STXBP5L: variants seen among roughly 807,000 people sequenced by gnomAD.
The protein encoded by STXBP5L is syntaxin binding protein 5L, also known as syntaxin-binding protein 5-like.
STXBP5L carries 65 observed loss-of-function variants against 144.5 expected under a neutral mutation model. The observed-to-expected ratio is 0.45, with a 90% CI of 0.37 to 0.55. STXBP5L has a LOEUF of 0.55. STXBP5L is among the 20% of genes least tolerant of loss of function. The probability of loss-of-function intolerance (pLI) is 0.00; values close to 1 mark genes in which losing one functional copy is unlikely to be tolerated. For missense variants in STXBP5L, 1,298 were observed against 1,405.5 expected, an observed-to-expected ratio of 0.92 and a Z score of 1.22; for synonymous variants, 505 against 469.6, an observed-to-expected ratio of 1.08 and a Z score of -0.97.
At chr3:121,189,024 A>C (rs1460383898) in intron 9 of STXBP5L, among the ~76,000 whole-genome samples, 3 of 152,184 alleles carry the variant, frequency 2.0e-5, no homozygotes, top group Non-Finnish European at 4.4e-5. Context: ...AAATTGTCCC[A>C]GTTTGCAGAT....
chr3:121,013,810 C>A (rs1944951468), intron 3 of STXBP5L, among the ~76,000 whole-genome samples: 1 of 151,832 alleles, frequency 6.6e-6, no homozygotes, highest in South Asian at 2.1e-4. Context: ...TTTAAGTTAA[C>A]CTTTTTTATG....
At chr3:121,007,621 A>T (rs1181499722) in intron 3 of STXBP5L, among the ~76,000 whole-genome samples, 11 of 152,008 alleles carry the variant, frequency 7.2e-5, no homozygotes, top group African/African-American at 2.7e-4. Context: ...TCATTACTTG[A>T]CGCAGCAGGA....
intron 20 of STXBP5L, among the ~76,000 whole-genome samples, chr3:121,378,146 A>G (rs897693450): frequency 6.6e-6 from 1 of 151,500 alleles, no homozygotes; most frequent in Admixed American, 6.6e-5. Flanking sequence ...AGGGAGGGGA[A>G]CATCACACAC....
intron 19 of STXBP5L, among the ~76,000 whole-genome samples, chr3:121,313,770 G>A (rs1443441774): frequency 2.1e-5 from 3 of 139,628 alleles, no homozygotes; most frequent in Non-Finnish European, 4.7e-5. Flanking sequence ...CGGGGTGGCT[G>A]CCGGGCGGAG....
intron 23 of STXBP5L, among the ~76,000 whole-genome samples, chr3:121,408,474 C>T (rs1260833793): frequency 6.6e-6 from 1 of 151,764 alleles, no homozygotes; most frequent in African/African-American, 2.4e-5. Flanking sequence ...GACATTATAA[C>T]AAAAAGAAAA....
chr3:121,148,609 A>G (rs1340919999), intron 7 of STXBP5L, among the ~76,000 whole-genome samples: 1 of 152,114 alleles, frequency 6.6e-6, no homozygotes, highest in Non-Finnish European at 1.5e-5. Context: ...TTAACATTGT[A>G]CAGCTATTCA....
chr3:121,413,219 G>C lies in STXBP5L; in HGVS notation c.3010G>C (p.Ala1004Pro), dbSNP rs771561295. The change falls in exon 24 of 27, where the codon GCA (alanine) becomes CCA (proline). Residue 1004 changes from alanine to proline, a missense_variant. Ala to Pro is a conservative substitution (Grantham distance 27, BLOSUM62 -1). Transcript: ENST00000471454. ...NYLPLTDMRI[A>P]RTFCFTNEGQ... ...TTTGCCACTGACAGACATGAGGATAGCACGAACATTTTGTTTTACCAATGA... is the reference window on the plus strand; with the variant it reads ...TTTGCCACTGACAGACATGAGGATACCACGAACATTTTGTTTTACCAATGA... 9 of 1,610,590 alleles carry C rather than the reference G, an allele frequency of 5.6e-6. No individual in the cohort carries two copies. In the East Asian group the frequency reaches 1.8e-4, roughly 32 times the overall value.
chr3:121,408,721 C>A (rs2047051463), intron 23 of STXBP5L, among the ~76,000 whole-genome samples: 1 of 151,866 alleles, frequency 6.6e-6, no homozygotes, highest in African/African-American at 2.4e-5. Context: ...CTTCTCTAGC[C>A]ATGTGTTAGG....
chr3:121,414,361 C>G (rs1560069675), intron 24 of STXBP5L, among the ~76,000 whole-genome samples: 1 of 152,070 alleles, frequency 6.6e-6, no homozygotes, highest in Non-Finnish European at 1.5e-5. Context: ...GGTGGTTTAA[C>G]CCGTTGACTC....
chr3:121,127,589 G>A (rs1272428764), intron 7 of STXBP5L, among the ~76,000 whole-genome samples: 3 of 151,182 alleles, frequency 2.0e-5, no homozygotes, highest in Non-Finnish European at 4.4e-5. Flanking sequence ...TGGATTTAGG[G>A]TGGGCCTAGG....
intron 3 of STXBP5L, among the ~76,000 whole-genome samples, chr3:120,992,030 T>G (rs186701819): frequency 2.6e-5 from 4 of 152,318 alleles, no homozygotes; most frequent in Admixed American, 2.0e-4. Flanking sequence ...TTTCTTTCCA[T>G]GTTTTTGCTT....
At chr3:120,983,604 C>G (rs971707516) in intron 3 of STXBP5L, among the ~76,000 whole-genome samples, 1 of 152,094 alleles carries the variant, frequency 6.6e-6, no homozygotes, top group Non-Finnish European at 1.5e-5. Context: ...TGTGTAATTT[C>G]TAGGCAGTTC....
chr3:121,294,805 C>A (rs2051583939), intron 19 of STXBP5L, among the ~76,000 whole-genome samples: 2 of 152,012 alleles, frequency 1.3e-5, no homozygotes, highest in African/African-American at 4.8e-5. Flanking sequence ...AAACAAAAAA[C>A]CTGGGGAATG....
chr3:121,329,219 T>A (rs909641603), intron 20 of STXBP5L, among the ~76,000 whole-genome samples: 1 of 152,166 alleles, frequency 6.6e-6, no homozygotes, highest in Non-Finnish European at 1.5e-5. Flanking sequence ...TGGTTAATAC[T>A]CATGAAGACT....
At chr3:121,167,611 C>G (rs1465263079) in intron 9 of STXBP5L, among the ~76,000 whole-genome samples, 1 of 152,002 alleles carries the variant, frequency 6.6e-6, no homozygotes, top group Non-Finnish European at 1.5e-5. Context: ...ACATCTGTAG[C>G]CAGACTGCCT....
chr3:121,065,070 A>T (rs1006226370), intron 5 of STXBP5L, among the ~76,000 whole-genome samples: 1 of 145,638 alleles, frequency 6.9e-6, no homozygotes, highest in Non-Finnish European at 1.5e-5. Flanking sequence ...AAAGGTTGTG[A>T]TTTTTTTTTT....
chr3:121,248,176 G>T (rs2049916725), intron 14 of STXBP5L, among the ~76,000 whole-genome samples: 1 of 152,140 alleles, frequency 6.6e-6, no homozygotes, highest in East Asian at 1.9e-4. Context: ...CAATTCTCCT[G>T]CTTCAGCCTC....
chr3:120,988,610 A>C (rs563773752), intron 3 of STXBP5L, among the ~76,000 whole-genome samples: 15 of 152,268 alleles, frequency 9.9e-5, no homozygotes, highest in African/African-American at 2.9e-4. Flanking sequence ...TATATTTGTC[A>C]AATAGATACT....
At chr3:121,228,353 A>G (rs138118150) in intron 11 of STXBP5L, among the ~76,000 whole-genome samples, 2 of 152,326 alleles carry the variant, frequency 1.3e-5, no homozygotes, top group East Asian at 3.9e-4. Context: ...AGTTCTGGTT[A>G]CATAAAATAA....
Sources: allele counts gnomAD v4.1 joint callset (sites outside exome capture counted in the v4.1 genomes callset), GRCh38; gene constraint gnomAD v4.1.1; transcripts MANE v1.5; gene names NCBI Gene and HGNC (gene_info 2026-07-23, HGNC 2026-07-21).